The following AMPH variants were observed in gnomAD, a reference collection of about 807,000 sequenced individuals.
The protein encoded by AMPH is amphiphysin, also known as amphiphysin (Stiff-Mann syndrome with breast cancer 128kD autoantigen).
A neutral mutation model predicts 99.1 loss-of-function variants in AMPH; 49 were observed. The ratio of observed to expected loss-of-function variants is 0.49; its 90% CI spans 0.39 to 0.63. The LOEUF (loss-of-function observed/expected upper bound fraction) is 0.63, where lower values mean the gene tolerates loss of function less well. AMPH is among the 20% of genes least tolerant of loss of function. The pLI, the probability that AMPH is intolerant of heterozygous loss-of-function variation, is 0.00. For missense variants in AMPH, 759 were observed against 863.4 expected, an observed-to-expected ratio of 0.88 and a Z score of 1.52; for synonymous variants, 314 against 317.3, an observed-to-expected ratio of 0.99 and a Z score of 0.11.
chr7:38,620,854 G>C (rs1201039933), intron 1 of AMPH, among the ~76,000 whole-genome samples: 1 of 152,118 alleles, frequency 6.6e-6, no homozygotes, highest in African/African-American at 2.4e-5. Context: ...CCAGTGTCCT[G>C]GCTCTGTGTC....
chr7:38,553,014 T>C (rs1791233470), intron 1 of AMPH, among the ~76,000 whole-genome samples: 1 of 152,178 alleles, frequency 6.6e-6, no homozygotes, highest in African/African-American at 2.4e-5. Context: ...CTTAACTTCC[T>C]GTAAGCCAGT....
intron 1 of AMPH, 145 bp downstream of exon 1, chr7:38,631,138 A>C: frequency 6.3e-6 from 4 of 636,606 alleles, no homozygotes; most frequent in Non-Finnish European, 4.2e-6. Flanking sequence ...AGCTGAGGGC[A>C]GGGCGTCCCA....
At chr7:38,433,197 G>T (rs1786106585) in intron 12 of AMPH, among the ~76,000 whole-genome samples, 1 of 152,258 alleles carries the variant, frequency 6.6e-6, no homozygotes, top group East Asian at 1.9e-4. Context: ...TAGAAAGCAG[G>T]CCCTGTGGTT....
In AMPH at chr7:38,610,292, GAAAGA is replaced by G. The variant is rs1562860185; in HGVS notation, c.69+20986_69+20990del. 8.7e-3 allele frequency among the ~76,000 whole-genome samples: 95 copies of G among 10,860 alleles called. 4 individuals are homozygous for G. The highest frequency in any genetic ancestry group is 0.047 in the Admixed American group (42 of 886). 7.1% of individuals were successfully genotyped at this position (10,860 alleles called of 152,430 possible). A position where few individuals can be genotyped will look rare whatever the true frequency, so the allele number is the denominator to read the frequency against. On this transcript the variant is annotated intron_variant, in intron 1 of 20. Coordinates refer to ENST00000356264, the MANE Select transcript of AMPH (RefSeq NM_001635.4). ...AGAAAGAAAGAAAGAAAGAAAGAAA[GAAAGA>G]AAAGAAAAGAAAAGAAAAGAAAAGA...
chr7:38,441,806 A>ATCATATATCTGATATATATCATATATC lies in AMPH; in HGVS notation c.1018-5419_1018-5418insGATATATGATATATATCAGATATATGA, dbSNP rs1267958196. On this transcript the variant is annotated intron_variant, in intron 11 of 20. Coordinates refer to ENST00000356264, the MANE Select transcript of AMPH (RefSeq NM_001635.4). ...TATATCTGTCATATATATCATATAT[A>ATCATATATCTGATATATATCATATATC]TATCATATATATCATATATCATATA... is the stretch of plus-strand genomic sequence containing the variant. Among the ~76,000 whole-genome samples the ATCATATATCTGATATATATCATATATC allele has an allele frequency of 8.0e-5, 7 of 87,334 alleles. No homozygotes were observed. The East Asian group carries it at 2.0e-3, about 25-fold the overall frequency. The allele number at this position is 87,334 out of a possible 152,430, so 57.3% of individuals were successfully genotyped here. A position where few individuals can be genotyped will look rare whatever the true frequency, so the allele number is the denominator to read the frequency against.
At chr7:38,624,596 T>C (rs1021131695) in intron 1 of AMPH, among the ~76,000 whole-genome samples, 1 of 150,240 alleles carries the variant, frequency 6.7e-6, no homozygotes, top group African/African-American at 2.4e-5. Context: ...GATTTAAATA[T>C]TGTATAGAGG....
chr7:38,414,654 T>C (rs1785312610), intron 17 of AMPH, among the ~76,000 whole-genome samples: 1 of 150,526 alleles, frequency 6.6e-6, no homozygotes, highest in African/African-American at 2.4e-5. Context: ...GAAACGAATA[T>C]TGAAATCATA....
At chr7:38,617,799 A>G (rs539378073) in intron 1 of AMPH, among the ~76,000 whole-genome samples, 14 of 152,318 alleles carry the variant, frequency 9.2e-5, no homozygotes, top group Middle Eastern at 3.4e-3. Context: ...GATGTTGCAT[A>G]TATCTTGAGG....
chr7:38,502,006 G>A (rs191121397), intron 3 of AMPH, among the ~76,000 whole-genome samples: 15 of 151,878 alleles, frequency 9.9e-5, no homozygotes, highest in South Asian at 2.1e-4. Flanking sequence ...GCTTTTTTGC[G>A]TTTATCATCC....
rs186428521 is a variant in AMPH at position 38,451,995 on chromosome 7, C to A, written c.1017+9288G>T. On this transcript the variant is annotated intron_variant, in intron 11 of 20. Transcript: ENST00000356264. ...ATAAGAACATTTACCAGAAAAAATT[C>A]TATGCTACATTTAAAGTTTGGGCCA... Among the ~76,000 whole-genome samples the A allele has an allele frequency of 1.8e-3, 276 of 152,262 alleles. 1 individual carries two copies. Among genetic ancestry groups the A allele is most frequent in the Non-Finnish European group, 3.1e-3 (211 of 68,020 alleles).
chr7:38,474,785 C>G (rs191587294), intron 7 of AMPH, among the ~76,000 whole-genome samples: 1 of 152,018 alleles, frequency 6.6e-6, no homozygotes, highest in African/African-American at 2.4e-5. Flanking sequence ...CGTAATTCCA[C>G]GAGAAATGCA....
At chr7:38,548,116 C>G (rs1791055623) in intron 1 of AMPH, among the ~76,000 whole-genome samples, 1 of 151,208 alleles carries the variant, frequency 6.6e-6, no homozygotes, top group Admixed American at 6.6e-5. Flanking sequence ...GCAAGCTCCA[C>G]CTCCTGGGTT....
intron 11 of AMPH, among the ~76,000 whole-genome samples, chr7:38,440,018 C>T (rs541973237): frequency 2.6e-5 from 4 of 152,254 alleles, no homozygotes; most frequent in African/African-American, 9.6e-5. Context: ...TGGAAATGTG[C>T]TTGCATGTTT....
chr7:38,573,606 T>G (rs990671599), intron 1 of AMPH, among the ~76,000 whole-genome samples: 7 of 152,254 alleles, frequency 4.6e-5, no homozygotes, highest in African/African-American at 1.7e-4. Context: ...ACATATACAA[T>G]ACAGACTTCT....
chr7:38,468,521 T>C (rs949765451), intron 7 of AMPH, among the ~76,000 whole-genome samples: 1 of 152,236 alleles, frequency 6.6e-6, no homozygotes, highest in African/African-American at 2.4e-5. Context: ...ATCAGAAATA[T>C]CTTATTTAGA....
At position 38,407,072 on chromosome 7, in the gene AMPH, ATATATGTGTGTGTGTG is replaced by A. The variant is rs1219016922; in HGVS notation, c.1398+10737_1398+10752del. ...TCTATATATATATATATATATATATATATATGTGTGTGTGTGTGTGTGTGTGTGTGTGTGTGTGTGT... is the reference window on the plus strand; with the variant it reads ...TCTATATATATATATATATATATATATGTGTGTGTGTGTGTGTGTGTGTGT... On this transcript the variant is annotated intron_variant, in intron 17 of 20. Coordinates refer to ENST00000356264, the MANE Select transcript of AMPH (RefSeq NM_001635.4). Among the ~76,000 whole-genome samples, 12 of 32,146 alleles carry A rather than the reference ATATATGTGTGTGTGTG, an allele frequency of 3.7e-4. No individual in the cohort carries two copies. The East Asian group carries it at 3.9e-3, about 10-fold the overall frequency. 21.1% of individuals were successfully genotyped at this position (32,146 alleles called of 152,430 possible).
chr7:38,627,383 A>C (rs1485041552), intron 1 of AMPH, among the ~76,000 whole-genome samples: 1 of 117,552 alleles, frequency 8.5e-6, no homozygotes, highest in African/African-American at 3.4e-5. Context: ...CTCTACTAAA[A>C]ATACAAAAAA....
At chr7:38,511,641 C>G (rs746508934) in intron 2 of AMPH, among the ~76,000 whole-genome samples, 7 of 152,166 alleles carry the variant, frequency 4.6e-5, no homozygotes, top group Non-Finnish European at 8.8e-5. Flanking sequence ...ACTCAGTTTT[C>G]TCACGTAAAA....
At chr7:38,471,238 A>G (rs893711727) in intron 7 of AMPH, among the ~76,000 whole-genome samples, 1 of 152,178 alleles carries the variant, frequency 6.6e-6, no homozygotes, top group Non-Finnish European at 1.5e-5. Flanking sequence ...GCTTCAACCC[A>G]CAGGCCTTTA....
Sources: allele counts gnomAD v4.1 joint callset (sites outside exome capture counted in the v4.1 genomes callset), GRCh38; gene constraint gnomAD v4.1.1; transcripts MANE v1.5; gene names NCBI Gene and HGNC (gene_info 2026-07-23, HGNC 2026-07-21).